LINGO2: variants seen among roughly 807,000 people sequenced by gnomAD.
The protein encoded by LINGO2 is leucine-rich repeat and immunoglobulin-like domain-containing nogo receptor-interacting protein 2.
A neutral mutation model predicts 30.6 loss-of-function variants in LINGO2; 14 were observed. The observed-to-expected ratio is 0.46, with a 90% CI of 0.30 to 0.72. LINGO2 has a LOEUF of 0.72. LINGO2 is among the 30% of genes least tolerant of loss of function. The probability of loss-of-function intolerance (pLI) is 0.07; values close to 1 mark genes in which losing one functional copy is unlikely to be tolerated. For missense variants in LINGO2, 729 were observed against 751.7 expected, an observed-to-expected ratio of 0.97 and a Z score of 0.35; for synonymous variants, 317 against 288.5, an observed-to-expected ratio of 1.10 and a Z score of -1.00.
chr9:28,828,307 A>G, the LINGO2 span, among the ~76,000 whole-genome samples: 1 of 152,010 alleles, frequency 6.6e-6, no homozygotes, highest in African/African-American at 2.4e-5. Flanking sequence ...TAAAATACAG[A>G]GGATTACAAA....
chr9:28,748,567 C>T, the LINGO2 span, among the ~76,000 whole-genome samples: 1 of 151,978 alleles, frequency 6.6e-6, no homozygotes, highest in Non-Finnish European at 1.5e-5. Flanking sequence ...CACAAGATTG[C>T]TTTCCGGAAT....
At chr9:28,036,036 G>A (rs1319103246) in intron 4 of LINGO2, among the ~76,000 whole-genome samples, 2 of 152,154 alleles carry the variant, frequency 1.3e-5, no homozygotes, top group East Asian at 3.8e-4. Flanking sequence ...TTAGCAAAGT[G>A]CTTTGAGATT....
chr9:28,939,308 T>C, the LINGO2 span, among the ~76,000 whole-genome samples: 1 of 152,188 alleles, frequency 6.6e-6, no homozygotes, highest in Non-Finnish European at 1.5e-5. Context: ...GTTGGAATCA[T>C]TGCTCACTAA....
the LINGO2 span, among the ~76,000 whole-genome samples, chr9:29,173,234 A>T: frequency 6.6e-6 from 1 of 152,092 alleles, no homozygotes; most frequent in Non-Finnish European, 1.5e-5. Flanking sequence ...GAGTCAACTC[A>T]GTTGACATTT....
chr9:28,485,014 A>G (rs1027219109), intron 1 of LINGO2, among the ~76,000 whole-genome samples: 3 of 152,112 alleles, frequency 2.0e-5, no homozygotes, highest in African/African-American at 7.2e-5. Context: ...CAAGTCACTA[A>G]TGCCTGTGGT....
At chr9:28,734,585 C>T in the LINGO2 span, among the ~76,000 whole-genome samples, 1 of 152,174 alleles carries the variant, frequency 6.6e-6, no homozygotes, top group African/African-American at 2.4e-5. Flanking sequence ...GGTAGATTCG[C>T]AGCTCAAATA....
chr9:29,044,242 AAAAT>A, the LINGO2 span, among the ~76,000 whole-genome samples: 1 of 151,214 alleles, frequency 6.6e-6, no homozygotes, highest in African/African-American at 2.4e-5. Context: ...TATAATAATT[AAAAT>A]AAATGAATGG....
chr9:28,519,197 A>T (rs1820738460), intron 1 of LINGO2, among the ~76,000 whole-genome samples: 1 of 151,578 alleles, frequency 6.6e-6, no homozygotes. Flanking sequence ...ACGTCCAGAC[A>T]ATTTTGTATT....
intron 1 of LINGO2, among the ~76,000 whole-genome samples, chr9:28,500,640 A>G (rs945055640): frequency 6.6e-6 from 1 of 152,142 alleles, no homozygotes; most frequent in African/African-American, 2.4e-5. Flanking sequence ...GGAGGCAGGA[A>G]GAGTATACGT....
chr9:28,498,990 T>A (rs1819777431), intron 1 of LINGO2, among the ~76,000 whole-genome samples: 2 of 152,212 alleles, frequency 1.3e-5, no homozygotes, highest in African/African-American at 4.8e-5. Context: ...TCTTTAAATA[T>A]CAGAAAGAAA....
At chr9:29,102,408 T>A in the LINGO2 span, among the ~76,000 whole-genome samples, 1 of 152,140 alleles carries the variant, frequency 6.6e-6, no homozygotes, top group Non-Finnish European at 1.5e-5. Flanking sequence ...AAAAATAAAA[T>A]CTGTTTGCAT....
At chr9:29,121,677 A>C in the LINGO2 span, among the ~76,000 whole-genome samples, 1 of 152,134 alleles carries the variant, frequency 6.6e-6, no homozygotes, top group Non-Finnish European at 1.5e-5. Flanking sequence ...GAAGGAGTCC[A>C]TATGATCAAC....
chr9:28,006,473 T>C (rs1223198687), intron 5 of LINGO2, among the ~76,000 whole-genome samples: 3 of 152,144 alleles, frequency 2.0e-5, no homozygotes, highest in East Asian at 1.9e-4. Flanking sequence ...AAAATTTATA[T>C]AACTGTATAA....
intron 1 of LINGO2, among the ~76,000 whole-genome samples, chr9:28,510,714 A>G (rs1291029509): frequency 6.6e-6 from 1 of 151,972 alleles, no homozygotes; most frequent in African/African-American, 2.4e-5. Flanking sequence ...GTGTGTACAC[A>G]CACACAGTCT....
At chr9:28,259,372 T>C (rs1045698779) in intron 4 of LINGO2, among the ~76,000 whole-genome samples, 1 of 151,850 alleles carries the variant, frequency 6.6e-6, no homozygotes, top group African/African-American at 2.4e-5. Context: ...TTCTAGGAGG[T>C]ACTGGAAGAA....
chr9:29,108,514 C>T, the LINGO2 span, among the ~76,000 whole-genome samples: 2 of 152,182 alleles, frequency 1.3e-5, no homozygotes, highest in South Asian at 2.1e-4. Context: ...CAGCAAGGAG[C>T]AAAGATGCTA....
At chr9:28,944,164 G>A in the LINGO2 span, among the ~76,000 whole-genome samples, 1 of 152,122 alleles carries the variant, frequency 6.6e-6, no homozygotes, top group Non-Finnish European at 1.5e-5. Context: ...TATGATACAA[G>A]CTGGCTCACC....
At chr9:28,654,427 T>A (rs933097753) in intron 1 of LINGO2, among the ~76,000 whole-genome samples, 2 of 152,026 alleles carry the variant, frequency 1.3e-5, no homozygotes, top group African/African-American at 2.4e-5. Flanking sequence ...AAGTTTAGGG[T>A]ATTTATTTTC....
chr9:29,008,217 G>C, the LINGO2 span, among the ~76,000 whole-genome samples: 1 of 152,056 alleles, frequency 6.6e-6, no homozygotes, highest in Non-Finnish European at 1.5e-5. Flanking sequence ...GAGAATGATG[G>C]TTTCCAGCTT....
Sources: gnomAD v4.1 joint callset for allele counts (sites outside exome capture counted in the v4.1 genomes callset) on GRCh38, gnomAD v4.1.1 for gene constraint, MANE v1.5 for transcripts, NCBI Gene and HGNC (gene_info 2026-07-23, HGNC 2026-07-21) for gene names.